RACGAP1: variants seen among roughly 807,000 people sequenced by gnomAD.
RACGAP1 encodes the protein Rac GTPase activating protein 1.
In RACGAP1, 30 loss-of-function variants were observed where a neutral mutation model predicts 78.1. The ratio of observed to expected loss-of-function variants is 0.38; its 90% CI spans 0.29 to 0.52. RACGAP1 has a LOEUF of 0.52. Ranked by LOEUF, RACGAP1 falls within the 20% of genes least tolerant of loss-of-function variation. RACGAP1 has a pLI of 0.82. For synonymous variants in RACGAP1, 231 were observed against 264.8 expected, an observed-to-expected ratio of 0.87 and a Z score of 1.24; for missense variants, 587 against 777.1, an observed-to-expected ratio of 0.76 and a Z score of 2.91.
Position 49,992,330 on chromosome 12 carries a change from T to G in RACGAP1, c.1493A>C (p.Lys498Thr). The G allele has an allele frequency of 6.2e-7, 1 of 1,614,198 alleles. No individual in the cohort carries two copies. The highest frequency in any genetic ancestry group is 8.5e-7 in the Non-Finnish European group (1 of 1,180,012). Residue 498 changes from lysine (K) to threonine (T), a missense_variant, in exon 14 of 17, where the codon AAA becomes ACA. Physicochemically the swap from Lys to Thr is moderately conservative, Grantham distance 78. Transcript: ENST00000312377. ...HTKMDVANLA[K>T]VFGPTIVAHA... The stretch of plus-strand genomic sequence containing the variant: ...GGCCACTATTGTAGGGCCAAAGACT[T>G]TAGCCAGATTGGCAACATCCATTTT...
chr12:50,023,989 G>A (rs1178278628), intron 1 of RACGAP1, among the ~76,000 whole-genome samples: 2 of 151,334 alleles, frequency 1.3e-5, no homozygotes, highest in Admixed American at 1.3e-4. Flanking sequence ...GTGAAACCCC[G>A]TCTCTACTAA....
At chr12:49,998,657 T>A (rs917161712) in intron 9 of RACGAP1, among the ~76,000 whole-genome samples, 3 of 152,058 alleles carry the variant, frequency 2.0e-5, no homozygotes, top group African/African-American at 7.2e-5. Context: ...CCCAGGACTT[T>A]GGGAGCTGAG....
intron 9 of RACGAP1, among the ~76,000 whole-genome samples, chr12:49,998,558 T>C (rs957548086): frequency 6.6e-5 from 10 of 152,064 alleles, no homozygotes; most frequent in African/African-American, 2.4e-4. Flanking sequence ...ATTTTGAAAA[T>C]CTTAGGTGAT....
chr12:49,991,078 C>T (rs1007019380), intron 15 of RACGAP1, among the ~76,000 whole-genome samples: 2 of 152,106 alleles, frequency 1.3e-5, no homozygotes, highest in Non-Finnish European at 2.9e-5. Flanking sequence ...GCAATATGCT[C>T]CCTTAGAAGG....
intron 4 of RACGAP1, among the ~76,000 whole-genome samples, chr12:50,005,027 T>C (rs545174914): frequency 3.3e-5 from 5 of 152,280 alleles, no homozygotes; most frequent in African/African-American, 4.8e-5. Context: ...AACATCAAAA[T>C]TGTATCCATG....
chr12:50,012,082 T>G (rs1407096822), intron 2 of RACGAP1, among the ~76,000 whole-genome samples: 1 of 151,262 alleles, frequency 6.6e-6, no homozygotes, highest in Non-Finnish European at 1.5e-5. Context: ...AAGCTATGAT[T>G]TCACCACTGT....
chr12:50,029,110 G>A (rs1478133396), upstream of RACGAP1, among the ~76,000 whole-genome samples: 1 of 152,078 alleles, frequency 6.6e-6, no homozygotes, highest in Non-Finnish European at 1.5e-5. Flanking sequence ...CAGCTACTCA[G>A]GAGGCTGAGG....
intron 1 of RACGAP1, among the ~76,000 whole-genome samples, chr12:50,020,003 A>G (rs1293053114): frequency 2.6e-5 from 4 of 152,206 alleles, no homozygotes; most frequent in Admixed American, 2.6e-4. Flanking sequence ...TCTCAAATCT[A>G]GGTGTTTTCC....
upstream of RACGAP1, among the ~76,000 whole-genome samples, chr12:50,025,781 G>A (rs902404228): frequency 6.6e-6 from 1 of 152,140 alleles, no homozygotes; most frequent in Non-Finnish European, 1.5e-5. Context: ...GCGGGACTAG[G>A]GCCCTTGGAA....
Position 49,990,288 on chromosome 12 carries a change from C to G in RACGAP1, c.1879G>C (p.Ala627Pro). ...TGACTTCACTTGAGCATTGGAGAAG[C>G]AAAAAAGTTGCCTTGTCGTCCTAGG... ...TNLGRQGNFFASPMLK is the reference protein window; with the variant it reads ...TNLGRQGNFFPSPMLK Residue 627 changes from alanine to proline, a missense_variant, in exon 17 of 17, where the codon GCT becomes CCT. Coordinates refer to ENST00000312377, the MANE Select transcript of RACGAP1 (RefSeq NM_001319999.2). 1 of 1,613,824 alleles carries G rather than the reference C, an allele frequency of 6.2e-7. No homozygotes were observed. The highest frequency in any genetic ancestry group is 8.5e-7 in the Non-Finnish European group (1 of 1,179,744).
At chr12:50,006,038 A>AT (rs1948955466) in intron 3 of RACGAP1, among the ~76,000 whole-genome samples, 2 of 152,212 alleles carry the variant, frequency 1.3e-5, no homozygotes, top group Admixed American at 1.3e-4. Context: ...TCTTGCCTGT[A>AT]TGTATGACAA....
chr12:50,007,360 C>A (rs2137461809), intron 2 of RACGAP1, among the ~76,000 whole-genome samples: 1 of 152,272 alleles, frequency 6.6e-6, no homozygotes, highest in East Asian at 1.9e-4. Context: ...GGCAGCATCT[C>A]AAAGGAAGAA....
In RACGAP1 at chr12:50,013,655, C is replaced by T. The variant is rs188769458; in HGVS notation, c.85+2976G>A. Reference sequence around the variant, plus strand: ...AGCACGGTTCTGATTATGTCACACCCCCTTACTCCTATTTCCCTCAAGTCC... The same window carrying T: ...AGCACGGTTCTGATTATGTCACACCTCCTTACTCCTATTTCCCTCAAGTCC... On this transcript the variant is annotated intron_variant, in intron 2 of 16. Transcript: ENST00000312377. Among the ~76,000 whole-genome samples, 3 of 152,310 alleles carry T rather than the reference C, an allele frequency of 2.0e-5. No individual in the cohort carries two copies. In the East Asian group the frequency reaches 5.8e-4, roughly 29 times the overall value.
At chr12:50,005,832 G>C (rs1024400243) in intron 3 of RACGAP1, among the ~76,000 whole-genome samples, 1 of 152,180 alleles carries the variant, frequency 6.6e-6, no homozygotes, top group African/African-American at 2.4e-5. Flanking sequence ...CAGACAATTT[G>C]AGTTTACTGA....
In RACGAP1 at chr12:49,994,216, G is replaced by A. The variant is rs1948097628; in HGVS notation, c.1254C>T (p.Ile418=). 1.3e-5 allele frequency: 21 copies of A among 1,614,168 alleles called. No homozygotes were observed. Among genetic ancestry groups the A allele is most frequent in the Non-Finnish European group, 1.8e-5 (21 of 1,180,024 alleles). The change falls in exon 12 of 17, where the codon ATC becomes ATT. Residue 418 remains isoleucine (I), a synonymous_variant. Transcript: ENST00000312377. The stretch of plus-strand genomic sequence containing the variant: ...GAAGAAAGTCTTTTAGAAGGCTACA[G>A]ATAGCATGGATATCATCCACTTTGC... ...LLSKVDDIHA[I]CSLLKDFLRN... is the part of the protein sequence containing the mutation.
At position 49,990,054 on chromosome 12, in the gene RACGAP1, C is replaced by A. The variant is rs1469747556; in HGVS notation, c.*214G>T. The A allele has an allele frequency of 6.7e-6, 3 of 444,628 alleles. No homozygotes were observed. Among genetic ancestry groups the A allele is most frequent in the Non-Finnish European group, 1.2e-5 (3 of 248,898 alleles). 27.5% of individuals were successfully genotyped at this position (444,628 alleles called of 1,614,324 possible). A position where few individuals can be genotyped will look rare whatever the true frequency, so the allele number is the denominator to read the frequency against. On this transcript the variant is annotated 3_prime_UTR_variant, in exon 17 of 17. Coordinates refer to ENST00000312377, the MANE Select transcript of RACGAP1 (RefSeq NM_001319999.2). ...AGATGTCTCATCTAAAAGCTCCCAA[C>A]AATGACCAGCACAAAGTGCTGATAT... is the stretch of plus-strand genomic sequence containing the variant.
At chr12:50,010,637 TA>T (rs1311486204) in intron 2 of RACGAP1, among the ~76,000 whole-genome samples, 1 of 150,414 alleles carries the variant, frequency 6.6e-6, no homozygotes, top group Non-Finnish European at 1.5e-5. Context: ...CTTAGCTTTT[TA>T]AAAAACAATA....
rs774415214 is a variant in RACGAP1 at position 49,999,600 on chromosome 12, C to T, written c.748+16G>A. ...GTTGTTTTACACAGGCCAGTTTAGT[C>T]ACAAATTCAATGGACCTGTTTTCCT... On this transcript the variant is annotated intron_variant, in intron 8 of 16. Transcript: ENST00000312377. 2.6e-5 allele frequency: 41 copies of T among 1,604,412 alleles called. No homozygotes were observed. In the South Asian group the frequency reaches 4.3e-4, roughly 17 times the overall value.
chr12:50,031,722 C>T (rs1385402133), exon 2 of RACGAP1: 1 of 985,312 alleles, frequency 1.0e-6, no homozygotes, highest in African/African-American at 1.7e-5. Flanking sequence ...AACTTAAACG[C>T]TGATGCCTGG....
Sources: gnomAD v4.1 joint callset for allele counts (sites outside exome capture counted in the v4.1 genomes callset) on GRCh38, gnomAD v4.1.1 for gene constraint, MANE v1.5 for transcripts, NCBI Gene and HGNC (gene_info 2026-07-23, HGNC 2026-07-21) for gene names.